The following ADAM22 variants were observed in gnomAD, a reference collection of about 807,000 sequenced individuals.
ADAM22 encodes the protein ADAM metallopeptidase domain 22, also known as disintegrin and metalloproteinase domain-containing protein 22.
Under a neutral mutation model 144.6 loss-of-function variants are expected in ADAM22, and 65 were observed. That is an observed-to-expected ratio of 0.45 (90% CI 0.37 to 0.55). The LOEUF (loss-of-function observed/expected upper bound fraction) is 0.55. Among genes scored for constraint, ADAM22 ranks in the 20% least tolerant of loss-of-function variants. ADAM22 has a pLI of 0.00. For missense variants in ADAM22, 974 were observed against 1,184.9 expected (o/e 0.82, Z 2.61); for synonymous variants, 391 against 412.6 (o/e 0.95, Z 0.63).
chr7:88,023,476 A>G (rs1319557278), intron 3 of ADAM22, among the ~76,000 whole-genome samples: 1 of 152,166 alleles, frequency 6.6e-6, no homozygotes, highest in African/African-American at 2.4e-5. Context: ...CTGGAATGCA[A>G]TGGCATGATC....
intron 3 of ADAM22, among the ~76,000 whole-genome samples, chr7:88,071,336 A>G (rs1335900441): frequency 6.6e-6 from 1 of 150,716 alleles, no homozygotes; most frequent in Non-Finnish European, 1.5e-5. Context: ...AAATCAGGAT[A>G]TGGGATGCAT....
At chr7:88,058,682 G>A (rs888666458) in intron 3 of ADAM22, among the ~76,000 whole-genome samples, 2 of 152,106 alleles carry the variant, frequency 1.3e-5, no homozygotes, top group Non-Finnish European at 2.9e-5. Context: ...CATCTTGATG[G>A]CCTTCCTTTC....
chr7:87,988,187 G>A (rs1180052751), intron 3 of ADAM22, among the ~76,000 whole-genome samples: 1 of 152,122 alleles, frequency 6.6e-6, no homozygotes, highest in Non-Finnish European at 1.5e-5. Flanking sequence ...CTTTCTTTGA[G>A]GAAATGGTCC....
chr7:88,100,840 G>C (rs966509364), intron 4 of ADAM22, among the ~76,000 whole-genome samples: 1 of 152,050 alleles, frequency 6.6e-6, no homozygotes, highest in Non-Finnish European at 1.5e-5. Flanking sequence ...CAACTGGGAA[G>C]GTGGAGTAAA....
chr7:88,177,654 GTAACTAAA>G (rs1846013235), intron 26 of ADAM22, among the ~76,000 whole-genome samples: 1 of 152,112 alleles, frequency 6.6e-6, no homozygotes, highest in Non-Finnish European at 1.5e-5. Flanking sequence ...ACAGACGTGT[GTAACTAAA>G]TAGCATTAAA....
At chr7:88,034,759 C>T (rs1801106095) in intron 3 of ADAM22, among the ~76,000 whole-genome samples, 1 of 152,138 alleles carries the variant, frequency 6.6e-6, no homozygotes, top group Non-Finnish European at 1.5e-5. Flanking sequence ...TTAAATGCTC[C>T]TTCTGTGGGC....
chr7:88,050,087 A>G (rs1206072532), intron 3 of ADAM22, among the ~76,000 whole-genome samples: 1 of 151,962 alleles, frequency 6.6e-6, no homozygotes, highest in Non-Finnish European at 1.5e-5. Flanking sequence ...AGATTTATAA[A>G]GAATTAAACA....
At chr7:87,990,078 C>T (rs1789423972) in intron 3 of ADAM22, among the ~76,000 whole-genome samples, 1 of 152,080 alleles carries the variant, frequency 6.6e-6, no homozygotes, top group East Asian at 1.9e-4. Context: ...ACTCATCTAT[C>T]CATCCATCAA....
intron 4 of ADAM22, among the ~76,000 whole-genome samples, chr7:88,106,885 T>G (rs1394184283): frequency 6.6e-6 from 1 of 152,178 alleles, no homozygotes; most frequent in Non-Finnish European, 1.5e-5. Context: ...GCAGAAGATT[T>G]ACCTTCTTAC....
chr7:87,940,729 C>G (rs1842313258), intron 2 of ADAM22, among the ~76,000 whole-genome samples: 1 of 152,168 alleles, frequency 6.6e-6, no homozygotes, highest in Non-Finnish European at 1.5e-5. Context: ...AGTTGTTTAC[C>G]TAGTCTAAAG....
At chr7:88,089,209 A>T (rs185206361) in intron 4 of ADAM22, among the ~76,000 whole-genome samples, 6 of 152,242 alleles carry the variant, frequency 3.9e-5, no homozygotes, top group African/African-American at 1.4e-4. Context: ...CTGCATTACC[A>T]TACAGAATCT....
At chr7:88,026,485 T>G (rs1799061181) in intron 3 of ADAM22, among the ~76,000 whole-genome samples, 1 of 152,208 alleles carries the variant, frequency 6.6e-6, no homozygotes, top group Admixed American at 6.5e-5. Flanking sequence ...CCTTCAACAC[T>G]GGGAATTACA....
At chr7:87,970,446 T>C (rs1477546787) in intron 2 of ADAM22, among the ~76,000 whole-genome samples, 1 of 152,192 alleles carries the variant, frequency 6.6e-6, no homozygotes, top group Non-Finnish European at 1.5e-5. Flanking sequence ...TACCATTTGA[T>C]TGGTAATATT....
intron 2 of ADAM22, among the ~76,000 whole-genome samples, chr7:87,938,918 G>A (rs535850141): frequency 1.3e-5 from 2 of 152,082 alleles, no homozygotes; most frequent in East Asian, 1.9e-4. Context: ...CAAAGTGCTG[G>A]GATTACAGGC....
chr7:88,125,575 T>A lies in ADAM22; in HGVS notation c.608-14T>A. 6.3e-7 allele frequency: 1 copy of A among 1,575,614 alleles called. No individual in the cohort carries two copies. Among genetic ancestry groups the A allele is most frequent in the Non-Finnish European group, 8.7e-7 (1 of 1,153,716 alleles). On this transcript the variant is annotated splice_polypyrimidine_tract_variant and intron_variant, in intron 7 of 31. Transcript: ENST00000413139. Reference sequence around the variant, plus strand: ...CAAATGCACTAAGTTAAATTAAATTTAATTTCCTTTTAGAATTTCAGCAAG... The same window carrying A: ...CAAATGCACTAAGTTAAATTAAATTAAATTTCCTTTTAGAATTTCAGCAAG...
At chr7:88,182,126 C>A in intron 29 of ADAM22, 102 bp downstream of exon 29, 1 of 1,062,148 alleles carries the variant, frequency 9.4e-7, no homozygotes, top group Non-Finnish European at 1.4e-6. Context: ...ACCATGTCTC[C>A]GGTCTTGGTT....
Position 88,163,077 on chromosome 7 carries a change from G to T in ADAM22, c.1973G>T (p.Gly658Val). ...LGYVEDGTPC[G>V]PQMMCLEHRC... Reference sequence around the variant, plus strand: ...TATGTGGAAGATGGGACACCTTGTGGTCCCCAAATGATGTGCTTAGAACAC... The same window carrying T: ...TATGTGGAAGATGGGACACCTTGTGTTCCCCAAATGATGTGCTTAGAACAC... Residue 658 changes from glycine (G) to valine (V), a missense_variant, in exon 23 of 32, where the codon GGT (glycine) becomes GTT (valine). Gly to Val is a moderately radical substitution (Grantham distance 109). Coordinates refer to ENST00000413139, the MANE Select transcript of ADAM22 (RefSeq NM_001324418.2). 6.2e-7 allele frequency: 1 copy of T among 1,611,828 alleles called. No individual in the cohort carries two copies. The highest frequency in any genetic ancestry group is 8.5e-7 in the Non-Finnish European group (1 of 1,178,882).
chr7:88,122,412 CA>C (rs1829516056), intron 7 of ADAM22, among the ~76,000 whole-genome samples: 2 of 152,158 alleles, frequency 1.3e-5, no homozygotes, highest in Non-Finnish European at 2.9e-5. Context: ...GAGGGCATTA[CA>C]AAAGGGCGTG....
At chr7:88,162,486 T>C (rs1841971083) in intron 22 of ADAM22, among the ~76,000 whole-genome samples, 1 of 152,160 alleles carries the variant, frequency 6.6e-6, no homozygotes, top group Admixed American at 6.6e-5. Context: ...GAACATAAAA[T>C]AAAAGTTTAA....
Sources: gnomAD v4.1 joint callset for allele counts (sites outside exome capture counted in the v4.1 genomes callset) on GRCh38, gnomAD v4.1.1 for gene constraint, MANE v1.5 for transcripts, NCBI Gene and HGNC (gene_info 2026-07-23, HGNC 2026-07-21) for gene names.